APAF1: variants seen among roughly 807,000 people sequenced by gnomAD.
APAF1 encodes the protein apoptotic peptidase activating factor 1, also known as apoptotic protease-activating factor 1.
In APAF1, 91 loss-of-function variants were observed where a neutral mutation model predicts 152.4. The ratio of observed to expected loss-of-function variants is 0.60; its 90% CI spans 0.50 to 0.71. APAF1 has a LOEUF of 0.71. Among genes scored for constraint, APAF1 ranks in the 30% least tolerant of loss-of-function variants. APAF1 has a pLI of 0.00. For missense variants in APAF1, 1,283 were observed against 1,472.0 expected (o/e 0.87, Z 2.10); for synonymous variants, 484 against 494.1 (o/e 0.98, Z 0.27).
chr12:98,681,523 T>A (rs542994414), intron 14 of APAF1, among the ~76,000 whole-genome samples: 2 of 152,064 alleles, frequency 1.3e-5, no homozygotes, highest in African/African-American at 2.4e-5. Flanking sequence ...TTCAAAGGGG[T>A]TAAATCTGGA....
At chr12:98,707,289 A>G (rs2097722423) in intron 19 of APAF1, among the ~76,000 whole-genome samples, 1 of 151,990 alleles carries the variant, frequency 6.6e-6, no homozygotes, top group Admixed American at 6.6e-5. Flanking sequence ...ATTTTCCCAA[A>G]CACTCCGTAG....
At chr12:98,677,220 A>G (rs1252793172) in intron 12 of APAF1, among the ~76,000 whole-genome samples, 1 of 152,178 alleles carries the variant, frequency 6.6e-6, no homozygotes, top group Non-Finnish European at 1.5e-5. Context: ...ATAAAGGGTA[A>G]CATTTCTCTT....
intron 17 of APAF1, among the ~76,000 whole-genome samples, chr12:98,702,020 A>T (rs554136379): frequency 1.6e-4 from 25 of 152,236 alleles, no homozygotes; most frequent in African/African-American, 6.0e-4. Context: ...CTCCGGCGCT[A>T]CGCTGCCTAC....
At chr12:98,696,469 A>G (rs1353762754) in intron 16 of APAF1, among the ~76,000 whole-genome samples, 1 of 152,200 alleles carries the variant, frequency 6.6e-6, no homozygotes, top group Non-Finnish European at 1.5e-5. Context: ...ACCTCCTATC[A>G]AGCCCTACTT....
At chr12:98,675,108 T>A (rs1042262851) in intron 12 of APAF1, among the ~76,000 whole-genome samples, 17 of 152,344 alleles carry the variant, frequency 1.1e-4, no homozygotes, top group African/African-American at 4.1e-4. Context: ...AGCTTATTTT[T>A]AAATTGTGTT....
intron 21 of APAF1, chr12:98,712,911 A>T (rs1249984890): frequency 6.1e-6 from 1 of 163,166 alleles, no homozygotes; most frequent in African/African-American, 2.4e-5. Flanking sequence ...TTTGCCTCCC[A>T]GGCTCAAGCA....
rs756555581 is a variant in APAF1 at position 98,708,627 on chromosome 12, T to C, written c.2764T>C (p.Leu922=). The C allele has an allele frequency of 6.2e-7, 1 of 1,613,764 alleles. No homozygotes were observed. Among genetic ancestry groups the C allele is most frequent in the Non-Finnish European group, 8.5e-7 (1 of 1,179,812 alleles). Reference sequence around the variant, plus strand: ...AGTATGTAAGAACTCTGCTGTAATGTTAAAGCAAGAAGTAGATGTTGTGTT... The same window carrying C: ...AGTATGTAAGAACTCTGCTGTAATGCTAAAGCAAGAAGTAGATGTTGTGTT... ...KKVCKNSAVM[L]KQEVDVVFQE... Residue 922 remains leucine (L), a synonymous_variant, in exon 20 of 27, where the codon TTA becomes CTA. Coordinates refer to ENST00000551964, the MANE Select transcript of APAF1 (RefSeq NM_181861.2).
intron 13 of APAF1, among the ~76,000 whole-genome samples, chr12:98,679,666 G>C (rs2097690304): frequency 1.3e-5 from 2 of 152,228 alleles, no homozygotes; most frequent in South Asian, 4.1e-4. Context: ...TCCCTCTTTG[G>C]GGCCCCGCGG....
Position 98,671,715 on chromosome 12 carries a change from T to TGG in APAF1, c.1790_1791dup (p.Ile598GlyfsTer2). On this transcript the variant is annotated frameshift_variant, in exon 12 of 27. Coordinates refer to ENST00000551964, the MANE Select transcript of APAF1 (RefSeq NM_181861.2). LOFTEE classifies it high-confidence loss of function. ...CGATAATGGAATGCTTTACCTGGAA[T>TGG]GGATGTAAGTAGGTTAGGAGAGAAA... The TGG allele has an allele frequency of 1.9e-6, 3 of 1,614,038 alleles. No homozygotes were observed. The highest frequency in any genetic ancestry group is 2.5e-6 in the Non-Finnish European group (3 of 1,179,954).
chr12:98,723,603 G>A (rs2097746160), intron 23 of APAF1, 36 bp from the exon 24 acceptor site: 2 of 1,529,674 alleles, frequency 1.3e-6, no homozygotes, highest in African/African-American at 2.8e-5. Flanking sequence ...GTTCTTAAAA[G>A]TGTCAACCTC....
chr12:98,691,247 T>TAA, intron 16 of APAF1, among the ~76,000 whole-genome samples: 1 of 152,028 alleles, frequency 6.6e-6, no homozygotes, highest in African/African-American at 2.4e-5. Context: ...CTACTGTTCC[T>TAA]CCCTTTCCTT....
intron 26 of APAF1, among the ~76,000 whole-genome samples, chr12:98,729,847 A>G (rs2097757700): frequency 6.6e-6 from 1 of 152,252 alleles, no homozygotes; most frequent in Non-Finnish European, 1.5e-5. Flanking sequence ...GACAGTTTTT[A>G]GCTTTATGAA....
rs191719132 is a variant in APAF1 at position 98,721,089 on chromosome 12, A to G, written c.3085-2104A>G. 4.6e-5 allele frequency among the ~76,000 whole-genome samples: 7 copies of G among 152,342 alleles called. No individual in the cohort carries two copies. The East Asian group carries it at 1.3e-3, about 29-fold the overall frequency. ...ATAGTCAATGATAGAGACATCCCCA[A>G]ACTCAACTTTTGCATTTGACTAATG... On this transcript the variant is annotated intron_variant, in intron 22 of 26. Coordinates refer to ENST00000551964, the MANE Select transcript of APAF1 (RefSeq NM_181861.2).
At chr12:98,711,055 A>G (rs1593099106) in intron 20 of APAF1, among the ~76,000 whole-genome samples, 1 of 152,222 alleles carries the variant, frequency 6.6e-6, no homozygotes, top group African/African-American at 2.4e-5. Context: ...TTGATTTTAC[A>G]AGTTTTACTA....
At chr12:98,669,125 A>T (rs1455356068) in intron 10 of APAF1, among the ~76,000 whole-genome samples, 1 of 152,348 alleles carries the variant, frequency 6.6e-6, no homozygotes, top group Non-Finnish European at 1.5e-5. Context: ...ATTCCAATAA[A>T]TACTTGTGCC....
intron 4 of APAF1, among the ~76,000 whole-genome samples, chr12:98,652,418 C>A (rs948005680): frequency 6.6e-6 from 1 of 152,086 alleles, no homozygotes; most frequent in African/African-American, 2.4e-5. Flanking sequence ...AAAGTTGTGT[C>A]TTTTACTTTG....
At chr12:98,712,292 A>G (rs2097728785) in intron 20 of APAF1, 27 bp from the exon 21 acceptor site, 1 of 1,334,442 alleles carries the variant, frequency 7.5e-7, no homozygotes, top group Non-Finnish European at 1.1e-6. Flanking sequence ...ACAGCCTAAT[A>G]ACTGATTTTG....
chr12:98,665,276 A>ATT (rs1198534474), intron 7 of APAF1, among the ~76,000 whole-genome samples: 24 of 67,844 alleles, frequency 3.5e-4, no homozygotes, highest in African/African-American at 1.2e-3. Flanking sequence ...ATATATATAT[A>ATT]TATTTTTTTT....
At chr12:98,706,350 G>T in intron 18 of APAF1, 135 bp from the exon 19 acceptor site, 1 of 863,236 alleles carries the variant, frequency 1.2e-6, no homozygotes, top group Non-Finnish European at 2.0e-6. Context: ...AAGACATTTT[G>T]TAGTTTTGAT....
Sources: gnomAD v4.1 joint callset for allele counts (sites outside exome capture counted in the v4.1 genomes callset) on GRCh38, gnomAD v4.1.1 for gene constraint, MANE v1.5 for transcripts, NCBI Gene and HGNC (gene_info 2026-07-23, HGNC 2026-07-21) for gene names.